The following RALGAPA1 variants were observed in gnomAD, a reference collection of about 807,000 sequenced individuals.
The protein encoded by RALGAPA1 is ral GTPase-activating protein subunit alpha-1.
A neutral mutation model predicts 269.6 loss-of-function variants in RALGAPA1; 52 were observed. The ratio of observed to expected loss-of-function variants is 0.19; its 90% confidence interval spans 0.15 to 0.24. The LOEUF (loss-of-function observed/expected upper bound fraction) is 0.24. RALGAPA1 is among the 10% of genes least tolerant of loss of function. The probability of loss-of-function intolerance (pLI) is 1.00; values close to 1 mark genes in which losing one functional copy is unlikely to be tolerated. For synonymous variants in RALGAPA1, 817 were observed against 1,008.3 expected (o/e 0.81, Z 3.60); for missense variants, 1,917 against 3,013.9 (o/e 0.64, Z 8.52).
intron 1 of RALGAPA1, among the ~76,000 whole-genome samples, chr14:35,805,044 T>A (rs915908369): frequency 2.6e-5 from 4 of 152,012 alleles, no homozygotes; most frequent in Admixed American, 1.3e-4. Flanking sequence ...TCCCAGCACT[T>A]TGGGAGGCTG....
chr14:35,724,784 A>C (rs1409705133), intron 14 of RALGAPA1, among the ~76,000 whole-genome samples: 1 of 152,196 alleles, frequency 6.6e-6, no homozygotes, highest in East Asian at 1.9e-4. Context: ...CACAGACCTG[A>C]TATTACCTCC....
intron 26 of RALGAPA1, among the ~76,000 whole-genome samples, chr14:35,670,141 C>T (rs1397980519): frequency 6.6e-6 from 1 of 152,164 alleles, no homozygotes; most frequent in African/African-American, 2.4e-5. Context: ...TATTTTCAGT[C>T]CTGACATGTC....
chr14:35,680,708 G>A lies in RALGAPA1; in HGVS notation c.4472-2606C>T, dbSNP rs192949649. ...CAGCTCACTGCAAGCTCTGCCTCCC[G>A]GGTTCACACTATTCTCCTGCCTCAG... On this transcript the variant is annotated intron_variant, in intron 21 of 41. Transcript: ENST00000680220. 3.6e-4 allele frequency among the ~76,000 whole-genome samples: 55 copies of A among 151,592 alleles called. 1 individual carries two copies. The highest frequency in any genetic ancestry group is 1.1e-3 in the African/African-American group (45 of 41,330).
At chr14:35,754,721 C>CCA (rs1399094572) in intron 7 of RALGAPA1, among the ~76,000 whole-genome samples, 1 of 152,116 alleles carries the variant, frequency 6.6e-6, no homozygotes, top group Non-Finnish European at 1.5e-5. Flanking sequence ...GTTATTATGT[C>CCA]CACACAAAAA....
chr14:35,645,178 T>A (rs547185867), intron 31 of RALGAPA1, among the ~76,000 whole-genome samples: 1 of 152,082 alleles, frequency 6.6e-6, no homozygotes, highest in Non-Finnish European at 1.5e-5. Flanking sequence ...TATTAGTTCA[T>A]CTCTCTTCTT....
At chr14:35,662,024 C>G (rs1331388178) in intron 27 of RALGAPA1, among the ~76,000 whole-genome samples, 1 of 152,060 alleles carries the variant, frequency 6.6e-6, no homozygotes, top group Non-Finnish European at 1.5e-5. Flanking sequence ...CGAAAATGTT[C>G]TAATATTGAC....
intron 16 of RALGAPA1, among the ~76,000 whole-genome samples, chr14:35,704,016 G>A (rs2067586561): frequency 6.6e-6 from 1 of 152,038 alleles, no homozygotes; most frequent in African/African-American, 2.4e-5. Context: ...TAAACATGAG[G>A]AAGGCAACTC....
chr14:35,750,636 T>C lies in RALGAPA1; in HGVS notation c.857A>G (p.Glu286Gly). Residue 286 changes from glutamate to glycine, a missense_variant, in exon 9 of 42, where the codon GAA (glutamate) becomes GGA (glycine). Coordinates refer to ENST00000680220, the MANE Select transcript of RALGAPA1 (RefSeq NM_001346249.2). ...TGTACAATAGATTGCTTCATTGGTT[T>C]CAGCATCTTTCTTTATCACGACATA... The part of the protein sequence containing the change: ...PHYVVIKKDA[E>G]TNEAIYCTKE... The C allele has an allele frequency of 6.2e-7, 1 of 1,613,450 alleles. No homozygotes were observed. Among genetic ancestry groups the C allele is most frequent in the Non-Finnish European group, 8.5e-7 (1 of 1,179,602 alleles).
chr14:35,663,793 G>A (rs28672082), intron 27 of RALGAPA1, among the ~76,000 whole-genome samples: 17,553 of 151,710 alleles, frequency 0.12, 1,113 homozygotes, highest in South Asian at 0.13. Context: ...GGGTTTCACC[G>A]TGTTAGCCAG....
At chr14:35,603,400 C>T (rs560741379) in intron 36 of RALGAPA1, among the ~76,000 whole-genome samples, 63 of 152,222 alleles carry the variant, frequency 4.1e-4, no homozygotes, top group African/African-American at 1.3e-3. Flanking sequence ...AAGTATACTA[C>T]ACGTTTGACA....
chr14:35,750,089 G>A (rs528419638), intron 9 of RALGAPA1, among the ~76,000 whole-genome samples: 58 of 152,166 alleles, frequency 3.8e-4, no homozygotes, highest in African/African-American at 1.4e-3. Flanking sequence ...AAAAAGGGGG[G>A]AAGGGGGTGT....
At chr14:35,662,948 T>C (rs1021069568) in intron 27 of RALGAPA1, among the ~76,000 whole-genome samples, 1 of 70,128 alleles carries the variant, frequency 1.4e-5, no homozygotes, top group Non-Finnish European at 2.9e-5. Context: ...GGGGGGGGGG[T>C]GGGACAAGGT....
intron 39 of RALGAPA1, among the ~76,000 whole-genome samples, chr14:35,550,128 G>A (rs907545041): frequency 1.3e-5 from 2 of 152,202 alleles, no homozygotes; most frequent in African/African-American, 2.4e-5. Context: ...GAGAAAGAGA[G>A]AGAATATTTC....
chr14:35,804,297 G>A (rs141151776), intron 1 of RALGAPA1, among the ~76,000 whole-genome samples: 13,261 of 150,110 alleles, frequency 0.088, 925 homozygotes, highest in East Asian at 0.37. Context: ...ACGGCTGGGC[G>A]CGGTGGCTCA....
intron 36 of RALGAPA1, among the ~76,000 whole-genome samples, chr14:35,604,246 G>A (rs1416036269): frequency 6.6e-6 from 1 of 151,928 alleles, no homozygotes; most frequent in Admixed American, 6.6e-5. Flanking sequence ...AATAACGACA[G>A]AGTATACACA....
intron 31 of RALGAPA1, among the ~76,000 whole-genome samples, chr14:35,646,255 T>C (rs2062431206): frequency 6.6e-6 from 1 of 152,192 alleles, no homozygotes; most frequent in Non-Finnish European, 1.5e-5. Context: ...ATTTATATAG[T>C]ATAGTCTCAA....
chr14:35,795,295 T>C (rs1595583913), intron 1 of RALGAPA1, among the ~76,000 whole-genome samples: 1 of 151,808 alleles, frequency 6.6e-6, no homozygotes, highest in East Asian at 1.9e-4. Flanking sequence ...ACCAAGGCAA[T>C]CAGAGTTCAC....
intron 35 of RALGAPA1, 36 bp downstream of exon 35, chr14:35,625,325 A>G (rs373065486): frequency 1.5e-5 from 20 of 1,332,628 alleles, no homozygotes; most frequent in Non-Finnish European, 1.9e-5. Context: ...AATACCTGAG[A>G]GTTGCTAGTT....
At chr14:35,788,569 G>C (rs2075955903) in intron 1 of RALGAPA1, among the ~76,000 whole-genome samples, 1 of 152,168 alleles carries the variant, frequency 6.6e-6, no homozygotes, top group Non-Finnish European at 1.5e-5. Flanking sequence ...AGGATCACAT[G>C]AGGCCAGGAG....
Sources: allele counts gnomAD v4.1 joint callset (sites outside exome capture counted in the v4.1 genomes callset), GRCh38; gene constraint gnomAD v4.1.1; transcripts MANE v1.5; gene names NCBI Gene and HGNC (gene_info 2026-07-23, HGNC 2026-07-21).